TUT7: variants seen among roughly 807,000 people sequenced by gnomAD.
TUT7 encodes terminal uridylyl transferase 7.
Under a neutral mutation model 165.9 loss-of-function variants are expected in TUT7, and 33 were observed. The ratio of observed to expected loss-of-function variants is 0.20; its 90% CI spans 0.15 to 0.27. The LOEUF (loss-of-function observed/expected upper bound fraction) is 0.27. Ranked by LOEUF, TUT7 falls within the 10% of genes least tolerant of loss-of-function variation. The probability of loss-of-function intolerance (pLI) is 1.00; values close to 1 mark genes in which losing one functional copy is unlikely to be tolerated. For synonymous variants in TUT7, 552 were observed against 608.1 expected (o/e 0.91, Z 1.36); for missense variants, 1,338 against 1,762.3 (o/e 0.76, Z 4.31).
intron 22 of TUT7, 61 bp downstream of exon 22, chr9:86,308,368 C>A: frequency 6.8e-7 from 1 of 1,462,396 alleles, no homozygotes; most frequent in Non-Finnish European, 9.3e-7. Context: ...GGAGGAAGAA[C>A]AATGTCCTTA....
chr9:86,314,279 G>A (rs1828504410), intron 17 of TUT7, among the ~76,000 whole-genome samples: 5 of 152,146 alleles, frequency 3.3e-5, no homozygotes, highest in African/African-American at 9.7e-5. Flanking sequence ...ACACTTCAAA[G>A]TCTCGGATTT....
At position 86,319,074 on chromosome 9, in the gene TUT7, G is replaced by A. The variant is rs765687480; in HGVS notation, c.3116-16C>T. ...AATTTAGTTCCTGTTAGGGATATAT[G>A]AAAAGTAATAACTAATTACCTGAGT... On this transcript the variant is annotated splice_polypyrimidine_tract_variant and intron_variant, in intron 15 of 26. Coordinates refer to ENST00000375963, the MANE Select transcript of TUT7 (RefSeq NM_024617.4). 11 of 1,577,886 alleles carry A rather than the reference G, an allele frequency of 7.0e-6. No individual in the cohort carries two copies. In the African/African-American group the frequency reaches 1.2e-4, roughly 17 times the overall value.
intron 11 of TUT7, chr9:86,326,375 T>C (rs1011583379): frequency 6.5e-6 from 1 of 154,760 alleles, no homozygotes; most frequent in African/African-American, 2.4e-5. Flanking sequence ...ACCCACCTCA[T>C]AGGGTTGTTG....
chr9:86,317,164 A>G, intron 17 of TUT7, 55 bp downstream of exon 17: 1 of 1,504,580 alleles, frequency 6.6e-7, no homozygotes, highest in African/African-American at 1.4e-5. Context: ...GGAAGACTAT[A>G]GAAAACACTA....
chr9:86,291,937 C>T (rs1410681504), intron 26 of TUT7, among the ~76,000 whole-genome samples: 1 of 152,160 alleles, frequency 6.6e-6, no homozygotes, highest in Non-Finnish European at 1.5e-5. Flanking sequence ...ATATTGAATA[C>T]AACCTAAAAC....
intron 14 of TUT7, among the ~76,000 whole-genome samples, chr9:86,321,620 T>C (rs1358473927): frequency 6.6e-6 from 1 of 152,010 alleles, no homozygotes; most frequent in Non-Finnish European, 1.5e-5. Flanking sequence ...TACCAGCTAC[T>C]TGGGTGGTTG....
Position 86,319,593 on chromosome 9 carries a change from C to T in TUT7, c.3106G>A (p.Asp1036Asn), listed in dbSNP as rs190240395. 723 of 1,600,394 alleles carry T rather than the reference C, an allele frequency of 4.5e-4. 1 individual carries two copies. The highest frequency in any genetic ancestry group is 2.9e-5 in the Non-Finnish European group (34 of 1,173,446). ...AAAATAAATCATTTACCTGGAAAGT[C>T]CTGTCTTATGAAACTTTCTAGGTTT... Reference protein sequence around the residue: ...RQNLESFIRQDFPGTKLSLFG... With the variant: ...RQNLESFIRQNFPGTKLSLFG... Residue 1036 changes from aspartate (D) to asparagine (N), a missense_variant, in exon 15 of 27, where the codon GAC (aspartate) becomes AAC (asparagine). Coordinates refer to ENST00000375963, the MANE Select transcript of TUT7 (RefSeq NM_024617.4).
intron 9 of TUT7, 126 bp from the exon 10 acceptor site, chr9:86,337,664 A>C: frequency 8.6e-7 from 1 of 1,157,270 alleles, no homozygotes; most frequent in Non-Finnish European, 1.2e-6. Flanking sequence ...TTCAGCTGAA[A>C]ATAGCAGTTA....
rs781221766 is a variant in TUT7 at position 86,322,973 on chromosome 9, ATTTTAT to A, written c.2771_2776del (p.Asn924_Lys925del). 2 of 1,613,896 alleles carry A rather than the reference ATTTTAT, an allele frequency of 1.2e-6. No homozygotes were observed. Among genetic ancestry groups the A allele is most frequent in the East Asian group, 4.5e-5 (2 of 44,864 alleles). Reference sequence around the variant, plus strand: ...ACATACATTTTCTTCCTTGAGACTTATTTTATTAAGTTCCACTAGGAGAGCTCTTTC... The same window carrying A: ...ACATACATTTTCTTCCTTGAGACTTATAAGTTCCACTAGGAGAGCTCTTTC... On this transcript the variant is annotated inframe_deletion, in exon 13 of 27. Transcript: ENST00000375963.
chr9:86,325,797 CT>C (rs1829735308), intron 11 of TUT7, among the ~76,000 whole-genome samples: 1 of 152,204 alleles, frequency 6.6e-6, no homozygotes, highest in Non-Finnish European at 1.5e-5. Context: ...TAATTTTGAA[CT>C]GTTAATAACA....
At chr9:86,305,132 A>G (rs1163717542) in intron 23 of TUT7, 60 bp downstream of exon 23, 2 of 1,454,744 alleles carry the variant, frequency 1.4e-6, no homozygotes, top group Admixed American at 2.0e-5. Context: ...CCCTGTCTCT[A>G]TTATAAAAGT....
At chr9:86,325,307 G>A (rs1368885618) in intron 12 of TUT7, 27 bp downstream of exon 12, 3 of 1,603,766 alleles carry the variant, frequency 1.9e-6, no homozygotes, top group Non-Finnish European at 2.6e-6. Context: ...AAGAGTGGGG[G>A]GGAATAAGAT....
chr9:86,352,554 T>C (rs770624127), intron 2 of TUT7, 126 bp downstream of exon 2: 1 of 1,135,886 alleles, frequency 8.8e-7, no homozygotes, highest in South Asian at 1.3e-5. Context: ...TAAGTGACCA[T>C]TTCTTAAAAC....
At chr9:86,316,749 T>C (rs1828759421) in intron 17 of TUT7, among the ~76,000 whole-genome samples, 1 of 152,184 alleles carries the variant, frequency 6.6e-6, no homozygotes, top group Non-Finnish European at 1.5e-5. Context: ...AATATTGCAA[T>C]TATTCTATGA....
chr9:86,336,452 A>G (rs1343579157), intron 10 of TUT7, among the ~76,000 whole-genome samples: 1 of 152,186 alleles, frequency 6.6e-6, no homozygotes, highest in Non-Finnish European at 1.5e-5. Flanking sequence ...CCCTTATGCC[A>G]GGATAGTTTT....
chr9:86,329,806 A>T (rs147427200), intron 10 of TUT7, among the ~76,000 whole-genome samples: 1 of 152,136 alleles, frequency 6.6e-6, no homozygotes, highest in African/African-American at 2.4e-5. Context: ...CTCAGAGATG[A>T]CACCTGGTAT....
chr9:86,306,295 G>A (rs185159040), intron 22 of TUT7, among the ~76,000 whole-genome samples: 6 of 152,196 alleles, frequency 3.9e-5, no homozygotes, highest in Admixed American at 2.0e-4. Flanking sequence ...TCTAGTGAAC[G>A]GTAACTGAGG....
rs745797287 is a variant in TUT7 at position 86,323,923 on chromosome 9, T to C, written c.1827A>G (p.Leu609=). 1 of 1,605,618 alleles carries C rather than the reference T, an allele frequency of 6.2e-7. No individual in the cohort carries two copies. The highest frequency in any genetic ancestry group is 1.1e-5 in the South Asian group (1 of 89,688). The change falls in exon 13 of 27, where the codon CTA becomes CTG. Residue 609 remains leucine, a synonymous_variant. Coordinates refer to ENST00000375963, the MANE Select transcript of TUT7 (RefSeq NM_024617.4). ...TATATTCAAACACAGGTTGACTATTTAGGGTTCTTGCCACATTTCTTTTAA... is the reference window on the plus strand; with the variant it reads ...TATATTCAAACACAGGTTGACTATTCAGGGTTCTTGCCACATTTCTTTTAA... ...YSVKRNVART[L]NSQPVFEYIL...
Position 86,345,690 on chromosome 9 carries a change from CT to C in TUT7, c.797del (p.Lys266ArgfsTer27). Reference protein sequence around the residue: ...IAFAHKHIKEKRHKKNIKEKQ... With the variant: ...IAFAHKHIKEXRHKKNIKEKQ... Reference sequence around the variant, plus strand: ...TTACCTTAATGTTTTTCTTGTGCCTCTTTTCCTTGATATGCTTATGGGCAAA... The same window carrying C: ...TTACCTTAATGTTTTTCTTGTGCCTCTTTCCTTGATATGCTTATGGGCAAA... On this transcript the variant is annotated frameshift_variant, in exon 4 of 27. Transcript: ENST00000375963. LOFTEE classifies it high-confidence loss of function. 1 of 1,612,740 alleles carries C rather than the reference CT, an allele frequency of 6.2e-7. No individual in the cohort carries two copies. Among genetic ancestry groups the C allele is most frequent in the Non-Finnish European group, 8.5e-7 (1 of 1,179,082 alleles).
Sources: allele counts gnomAD v4.1 joint callset (sites outside exome capture counted in the v4.1 genomes callset), GRCh38; gene constraint gnomAD v4.1.1; transcripts MANE v1.5; gene names NCBI Gene and HGNC (gene_info 2026-07-23, HGNC 2026-07-21).